Variants in HCN1 observed in about 807,000 individuals in gnomAD.
The protein encoded by HCN1 is hyperpolarization activated cyclic nucleotide gated potassium channel 1.
HCN1 carries 13 observed loss-of-function variants against 78.9 expected under a neutral mutation model. The ratio of observed to expected loss-of-function variants is 0.16; its 90% CI spans 0.11 to 0.26. HCN1 has a LOEUF of 0.26. Among genes scored for constraint, HCN1 ranks in the 10% least tolerant of loss-of-function variants. HCN1 has a pLI of 1.00. For synonymous variants in HCN1, 552 were observed against 455.5 expected, an observed-to-expected ratio of 1.21 and a Z score of -2.70; for missense variants, 810 against 1,154.3, an observed-to-expected ratio of 0.70 and a Z score of 4.32.
intron 2 of HCN1, among the ~76,000 whole-genome samples, chr5:45,603,685 A>G (rs889086541): frequency 6.6e-6 from 1 of 152,106 alleles, no homozygotes; most frequent in Non-Finnish European, 1.5e-5. Context: ...AAAACCATTA[A>G]AACAGTAATC....
intron 3 of HCN1, among the ~76,000 whole-genome samples, chr5:45,423,045 C>G (rs570036311): frequency 6.6e-6 from 1 of 152,080 alleles, no homozygotes; most frequent in East Asian, 1.9e-4. Flanking sequence ...GCTTTGAGTA[C>G]AATTGGAATG....
intron 3 of HCN1, among the ~76,000 whole-genome samples, chr5:45,406,360 T>C (rs888451374): frequency 1.3e-5 from 2 of 152,222 alleles, no homozygotes; most frequent in Non-Finnish European, 2.9e-5. Context: ...AAAGCCAGCA[T>C]AGAAGAAATC....
At chr5:45,640,989 T>C (rs1263741663) in intron 2 of HCN1, among the ~76,000 whole-genome samples, 2 of 151,736 alleles carry the variant, frequency 1.3e-5, no homozygotes, top group Admixed American at 1.3e-4. Flanking sequence ...GGTGCAAATA[T>C]GAAGTGACAA....
intron 2 of HCN1, among the ~76,000 whole-genome samples, chr5:45,626,200 A>G (rs1745160307): frequency 6.6e-6 from 1 of 152,242 alleles, no homozygotes; most frequent in Admixed American, 6.5e-5. Context: ...GTCACTTATC[A>G]ATTTTATAAT....
Position 45,261,084 on chromosome 5 carries a change from T to C in HCN1, c.*837A>G, listed in dbSNP as rs1744728857. 6.6e-6 allele frequency: 1 copy of C among 152,624 alleles called. No individual in the cohort carries two copies. 9.5% of individuals were successfully genotyped at this position (152,624 alleles called of 1,614,324 possible). On this transcript the variant is annotated 3_prime_UTR_variant, in exon 8 of 8. Coordinates refer to ENST00000303230, the MANE Select transcript of HCN1 (RefSeq NM_021072.4). ...CATTACAATTGAATAATTCTCACAA[T>C]CAGGTTTTGTAAAATTTAAAACTCT...
chr5:45,295,160 C>T (rs1478953114), intron 6 of HCN1, among the ~76,000 whole-genome samples: 2 of 151,954 alleles, frequency 1.3e-5, no homozygotes, highest in Non-Finnish European at 2.9e-5. Flanking sequence ...TCCTTAAGCT[C>T]TTTATGCCCA....
intron 3 of HCN1, among the ~76,000 whole-genome samples, chr5:45,442,342 G>T: frequency 6.6e-6 from 1 of 152,052 alleles, no homozygotes; most frequent in East Asian, 1.9e-4. Context: ...TAGAGGCAAA[G>T]CCAGCATTTC....
chr5:45,362,023 A>T (rs1747120585), intron 4 of HCN1, among the ~76,000 whole-genome samples: 1 of 152,136 alleles, frequency 6.6e-6, no homozygotes, highest in South Asian at 2.1e-4. Context: ...GATGATTGGT[A>T]GAAGTAGAAA....
intron 6 of HCN1, among the ~76,000 whole-genome samples, chr5:45,285,400 C>A (rs1373012961): frequency 1.3e-5 from 2 of 151,936 alleles, no homozygotes; most frequent in Non-Finnish European, 2.9e-5. Flanking sequence ...TTTCACTCTT[C>A]TTATATTATT....
Position 45,595,079 on chromosome 5 carries a change from G to A in HCN1, c.849+50106C>T, listed in dbSNP as rs796956818. Among the ~76,000 whole-genome samples, 11 of 152,192 alleles carry A rather than the reference G, an allele frequency of 7.2e-5. 1 individual carries two copies. The highest frequency in any genetic ancestry group is 2.6e-4 in the African/African-American group (11 of 41,528). On this transcript the variant is annotated intron_variant, in intron 2 of 7. Coordinates refer to ENST00000303230, the MANE Select transcript of HCN1 (RefSeq NM_021072.4). ...GACAAATGGTAAAACAGGTAATATA[G>A]CAAAAAGGCAGGATATTTTTTTCCA... is the stretch of plus-strand genomic sequence containing the variant.
chr5:45,289,016 T>C (rs559102370), intron 6 of HCN1, among the ~76,000 whole-genome samples: 1 of 152,160 alleles, frequency 6.6e-6, no homozygotes, highest in East Asian at 1.9e-4. Context: ...AACCTATTCA[T>C]GTAGCAGATT....
intron 2 of HCN1, among the ~76,000 whole-genome samples, chr5:45,614,323 C>T (rs899424722): frequency 2.0e-5 from 3 of 152,036 alleles, no homozygotes; most frequent in Admixed American, 6.6e-5. Context: ...CCTAGGAAAA[C>T]ATAAATCCGT....
At position 45,645,184 on chromosome 5, in the gene HCN1, CCT is replaced by C; in HGVS notation, c.848_849del (p.Glu283AspfsTer7). 6.2e-7 allele frequency: 1 copy of C among 1,605,148 alleles called. No individual in the cohort carries two copies. The highest frequency in any genetic ancestry group is 8.5e-7 in the Non-Finnish European group (1 of 1,172,820). The stretch of plus-strand genomic sequence containing the variant: ...TTAAAAAAGAAAAAGATGCATCTTA[CCT>C]CTTCCCATTGATGTATGTATCTAAT... ...RLIRYIHQWE[E>X]IFHMTYDLAS... On this transcript the variant is annotated frameshift_variant and splice_region_variant, in exon 2 of 8. Transcript: ENST00000303230. LOFTEE classifies it high-confidence loss of function.
chr5:45,542,102 G>A (rs976846728), intron 2 of HCN1, among the ~76,000 whole-genome samples: 3 of 152,018 alleles, frequency 2.0e-5, no homozygotes, highest in Non-Finnish European at 2.9e-5. Context: ...ATTAAAATAC[G>A]AATTAAATGT....
chr5:45,651,009 T>C (rs1390509125), intron 1 of HCN1, among the ~76,000 whole-genome samples: 1 of 152,046 alleles, frequency 6.6e-6, no homozygotes, highest in Non-Finnish European at 1.5e-5. Flanking sequence ...GTATTTACAA[T>C]ATTTTCTCTA....
chr5:45,525,499 C>G (rs976666409), intron 2 of HCN1, among the ~76,000 whole-genome samples: 1 of 151,274 alleles, frequency 6.6e-6, no homozygotes, highest in Non-Finnish European at 1.5e-5. Flanking sequence ...ATTTTATATA[C>G]TAATTAATAT....
rs1273898015 is a variant in HCN1 at position 45,364,667 on chromosome 5, C to T, written c.1231-11421G>A. 7.2e-5 allele frequency among the ~76,000 whole-genome samples: 11 copies of T among 152,200 alleles called. No homozygotes were observed. The South Asian group carries it at 8.3e-4, about 11-fold the overall frequency. On this transcript the variant is annotated intron_variant, in intron 4 of 7. Transcript: ENST00000303230. ...GTATTTTACTTTAAATTTTCACAAA[C>T]TAACCATCTTGTCATTTGGGAGTTA...
chr5:45,272,326 A>G (rs1320507873), intron 6 of HCN1, among the ~76,000 whole-genome samples: 1 of 152,066 alleles, frequency 6.6e-6, no homozygotes, highest in Non-Finnish European at 1.5e-5. Context: ...TCTGTAGCTC[A>G]TACTATCCTT....
chr5:45,547,855 T>C lies in HCN1; in HGVS notation c.850-85848A>G, dbSNP rs532294625. 2.0e-5 allele frequency among the ~76,000 whole-genome samples: 3 copies of C among 152,084 alleles called. No homozygotes were observed. In the South Asian group the frequency reaches 6.2e-4, roughly 32 times the overall value. On this transcript the variant is annotated intron_variant, in intron 2 of 7. Coordinates refer to ENST00000303230, the MANE Select transcript of HCN1 (RefSeq NM_021072.4). ...CTAGAAATTGCCTTTCAGACTGATATTAATCCTTTTACGCAGAGATTATAT... is the reference window on the plus strand; with the variant it reads ...CTAGAAATTGCCTTTCAGACTGATACTAATCCTTTTACGCAGAGATTATAT...
Sources: allele counts gnomAD v4.1 joint callset (sites outside exome capture counted in the v4.1 genomes callset), GRCh38; gene constraint gnomAD v4.1.1; transcripts MANE v1.5; gene names NCBI Gene and HGNC (gene_info 2026-07-23, HGNC 2026-07-21).